The following SEC22B variants were observed in gnomAD, a reference collection of about 807,000 sequenced individuals.
The protein encoded by SEC22B is vesicle-trafficking protein SEC22b.
A neutral mutation model predicts 31.4 loss-of-function variants in SEC22B; 10 were observed. That is an observed-to-expected ratio of 0.32 (90% confidence interval 0.20 to 0.54). The LOEUF (loss-of-function observed/expected upper bound fraction) is 0.54, where lower values mean the gene tolerates loss of function less well. SEC22B is among the 20% of genes least tolerant of loss of function. The pLI is 0.94. For synonymous variants in SEC22B, 60 were observed against 95.9 expected, an observed-to-expected ratio of 0.63 and a Z score of 2.19; for missense variants, 130 against 263.4, an observed-to-expected ratio of 0.49 and a Z score of 3.50.
intron 2 of SEC22B, 61 bp downstream of exon 2, chr1:120,168,779 T>C: frequency 1.8e-6 from 1 of 556,274 alleles, no homozygotes. Flanking sequence ...TTATTTTTTA[T>C]CAGGCATTCT....
intron 1 of SEC22B, among the ~76,000 whole-genome samples, chr1:120,173,031 T>G (rs1333119267): frequency 1.3e-5 from 2 of 151,044 alleles, no homozygotes; most frequent in African/African-American, 2.4e-5. Context: ...TCTTTATCAT[T>G]TTCATAGCTG....
Position 120,152,737 on chromosome 1 carries a change from A to C in SEC22B, c.*4301T>G, listed in dbSNP as rs61789915. ...TAATAAAAAGAAATTGCAAAAAATA[A>C]CTTTTGAAAATAAACATACTAATAA... On this transcript the variant is annotated 3_prime_UTR_variant, in exon 5 of 5. Coordinates refer to ENST00000578049, the MANE Select transcript of SEC22B (RefSeq NM_004892.6). 444 of 119,058 alleles carry C rather than the reference A, an allele frequency of 3.7e-3. 3 individuals carry two copies. Among genetic ancestry groups the C allele is most frequent in the African/African-American group, 0.011 (217 of 20,438 alleles). 7.4% of individuals were successfully genotyped at this position (119,058 alleles called of 1,614,324 possible). A position where few individuals can be genotyped will look rare whatever the true frequency, so the allele number is the denominator to read the frequency against.
rs1553230191 is a variant in SEC22B, at chr1:120,176,316, C to T, written c.66G>A (p.Glu22=). ...DGLPLAASMQ[E]DEQSGRDLQQ... ...TGAGTAAGCAGCTCACCTGTTCGTCCTCCTGCATCGAGGCGGCCAGCGGGA... is the reference window on the plus strand; with the variant it reads ...TGAGTAAGCAGCTCACCTGTTCGTCTTCCTGCATCGAGGCGGCCAGCGGGA... Residue 22 remains glutamate (E), a synonymous_variant, in exon 1 of 5, where the codon GAG becomes GAA. Coordinates refer to ENST00000578049, the MANE Select transcript of SEC22B (RefSeq NM_004892.6). 1.2e-6 allele frequency: 2 copies of T among 1,611,410 alleles called. No homozygotes were observed. The highest frequency in any genetic ancestry group is 2.7e-5 in the African/African-American group (2 of 75,016).
At chr1:120,160,724 C>T in intron 3 of SEC22B, among the ~76,000 whole-genome samples, 194 bp from the exon 4 acceptor site, 1 of 151,904 alleles carries the variant, frequency 6.6e-6, no homozygotes, top group Non-Finnish European at 1.5e-5. Context: ...CCCGTCTCTA[C>T]TAAAAATATA....
In SEC22B at chr1:120,151,723, C is replaced by CATGTGT. The variant is rs1342954402; in HGVS notation, c.*5309_*5314dup. 6.6e-6 allele frequency: 1 copy of CATGTGT among 151,572 alleles called. No homozygotes were observed. The highest frequency in any genetic ancestry group is 1.5e-5 in the Non-Finnish European group (1 of 67,940). 9.4% of individuals were successfully genotyped at this position (151,572 alleles called of 1,614,324 possible). A position where few individuals can be genotyped will look rare whatever the true frequency, so the allele number is the denominator to read the frequency against. ...ATGGTAGTACTGACTAAAAGAGGGA[C>CATGTGT]ATGTGTAACAAAATCAGTAAGGAGG... On this transcript the variant is annotated 3_prime_UTR_variant, in exon 5 of 5. Coordinates refer to ENST00000578049, the MANE Select transcript of SEC22B (RefSeq NM_004892.6).
intron 2 of SEC22B, among the ~76,000 whole-genome samples, chr1:120,166,025 T>C (rs1250292268): frequency 6.6e-6 from 1 of 151,012 alleles, no homozygotes; most frequent in African/African-American, 2.5e-5. Context: ...AATGGCCAAG[T>C]ATATGAAAAA....
chr1:120,151,983 G>T lies in SEC22B; in HGVS notation c.*5055C>A, dbSNP rs1291120506. On this transcript the variant is annotated 3_prime_UTR_variant, in exon 5 of 5. Transcript: ENST00000578049. The stretch of plus-strand genomic sequence containing the variant: ...AAATATAAGAAGCAGCACAGGTTTG[G>T]TTTTATCTTTGAGAACAATGGAGTG... 3 of 152,086 alleles carry T rather than the reference G, an allele frequency of 2.0e-5. No individual in the cohort carries two copies. The highest frequency in any genetic ancestry group is 3.8e-4 in the East Asian group (2 of 5,202). The allele number at this position is 152,086 out of a possible 1,614,324, so 9.4% of individuals were successfully genotyped here. A position where few individuals can be genotyped will look rare whatever the true frequency, so the allele number is the denominator to read the frequency against.
intron 3 of SEC22B, among the ~76,000 whole-genome samples, chr1:120,160,731 T>C (rs1280650848): frequency 6.6e-6 from 1 of 151,756 alleles, no homozygotes; most frequent in Admixed American, 6.6e-5. Flanking sequence ...CTACTAAAAA[T>C]ATAAAAAGTT....
In SEC22B at chr1:120,170,250, A is replaced by G. The variant is rs1190016831; in HGVS notation, c.76-1301T>C. On this transcript the variant is annotated intron_variant, in intron 1 of 4. Coordinates refer to ENST00000578049, the MANE Select transcript of SEC22B (RefSeq NM_004892.6). ...TTGGAATTATTTATTTTACATAGAA[A>G]GAATAGCCTCCCTTTGGCAGATGTT... Among the ~76,000 whole-genome samples the G allele has an allele frequency of 8.4e-3, 1,198 of 142,622 alleles. 18 individuals are homozygous for G. The highest frequency in any genetic ancestry group is 0.011 in the Non-Finnish European group (752 of 67,380). The allele number at this position is 142,622 out of a possible 152,430, so 93.6% of individuals were successfully genotyped here.
chr1:120,160,749 C>T lies in SEC22B; in HGVS notation c.347-219G>A, dbSNP rs1424002642. Among the ~76,000 whole-genome samples, 4 of 152,064 alleles carry T rather than the reference C, an allele frequency of 2.6e-5. No homozygotes were observed. The East Asian group carries it at 5.8e-4, about 22-fold the overall frequency. On this transcript the variant is annotated intron_variant, in intron 3 of 4. Coordinates refer to ENST00000578049, the MANE Select transcript of SEC22B (RefSeq NM_004892.6). ...CTAAAAATATAAAAAGTTAGCCAGG[C>T]GTGGCGGCACACGCCTATAATCCCA...
chr1:120,157,018 C>G lies in SEC22B; in HGVS notation c.*20G>C. On this transcript the variant is annotated 3_prime_UTR_variant, in exon 5 of 5. Transcript: ENST00000578049. The stretch of plus-strand genomic sequence containing the variant: ...TACTGGGTTCTAGGTTCTCCCTTAC[C>G]AGTGACTGTATTCATTATTTCACAG... 1.8e-6 allele frequency: 2 copies of G among 1,124,338 alleles called. No individual in the cohort carries two copies. The highest frequency in any genetic ancestry group is 2.5e-6 in the Non-Finnish European group (2 of 801,828). The allele number at this position is 1,124,338 out of a possible 1,614,324, so 69.6% of individuals were successfully genotyped here. A position where few individuals can be genotyped will look rare whatever the true frequency, so the allele number is the denominator to read the frequency against.
intron 1 of SEC22B, among the ~76,000 whole-genome samples, chr1:120,169,882 T>C (rs1433752541): frequency 6.8e-6 from 1 of 147,364 alleles, no homozygotes; most frequent in Non-Finnish European, 1.5e-5. Context: ...ACAAAATTCA[T>C]GTTGAAATCC....
chr1:120,167,967 AT>A (rs1417685980), intron 2 of SEC22B, among the ~76,000 whole-genome samples: 5 of 151,890 alleles, frequency 3.3e-5, no homozygotes, highest in African/African-American at 9.7e-5. Context: ...ATAAAACATA[AT>A]GTCCAACATT....
At chr1:120,171,864 T>C (rs1657900544) in intron 1 of SEC22B, among the ~76,000 whole-genome samples, 2 of 150,764 alleles carry the variant, frequency 1.3e-5, no homozygotes, top group Non-Finnish European at 2.9e-5. Context: ...CAAATTAATT[T>C]TGTAATGTGA....
Position 120,157,022 on chromosome 1 carries a change from G to A in SEC22B, c.*16C>T. 4 of 1,161,090 alleles carry A rather than the reference G, an allele frequency of 3.4e-6. No individual in the cohort carries two copies. The South Asian group carries it at 5.6e-5, about 16-fold the overall frequency. 71.9% of individuals were successfully genotyped at this position (1,161,090 alleles called of 1,614,324 possible). On this transcript the variant is annotated 3_prime_UTR_variant, in exon 5 of 5. Coordinates refer to ENST00000578049, the MANE Select transcript of SEC22B (RefSeq NM_004892.6). ...GGGTTCTAGGTTCTCCCTTACCAGT[G>A]ACTGTATTCATTATTTCACAGCCAC...
chr1:120,163,313 C>G lies in SEC22B; in HGVS notation c.243G>C (p.Lys81Asn), dbSNP rs1657749290. 1 of 1,608,970 alleles carries G rather than the reference C, an allele frequency of 6.2e-7. No homozygotes were observed. The highest frequency in any genetic ancestry group is 8.5e-7 in the Non-Finnish European group (1 of 1,177,340). ...CTTCTAGGTAGGCAAAAGCCAACTT[C>G]TTAGGGAAGGCAGCTTCACATAAAA... The part of the protein sequence containing the change: ...YLVLCEAAFP[K>N]KLAFAYLEDL... Residue 81 changes from lysine to asparagine, a missense_variant, in exon 3 of 5, where the codon AAG becomes AAC. Physicochemically the swap from Lys to Asn is moderately conservative, Grantham distance 94. Coordinates refer to ENST00000578049, the MANE Select transcript of SEC22B (RefSeq NM_004892.6).
chr1:120,173,038 GCTGAGTTCAGTGGGTATCA>G (rs1414729331), intron 1 of SEC22B, among the ~76,000 whole-genome samples: 1 of 150,040 alleles, frequency 6.7e-6, no homozygotes, highest in African/African-American at 2.5e-5. Flanking sequence ...CATTTTCATA[GCTGAGTTCAGTGGGTATCA>G]ATACCCACTG....
chr1:120,162,942 C>CTA (rs1657742857), intron 3 of SEC22B, among the ~76,000 whole-genome samples: 1 of 151,862 alleles, frequency 6.6e-6, no homozygotes, highest in Non-Finnish European at 1.5e-5. Context: ...ACATGTGACT[C>CTA]TAAAGAAGAA....
At chr1:120,160,579 C>G in intron 3 of SEC22B, 49 bp from the exon 4 acceptor site, 1 of 1,499,874 alleles carries the variant, frequency 6.7e-7, no homozygotes, top group East Asian at 2.5e-5. Flanking sequence ...CATCAAAGTA[C>G]TGAGGTAGGA....
Sources: allele counts gnomAD v4.1 joint callset (sites outside exome capture counted in the v4.1 genomes callset), GRCh38; gene constraint gnomAD v4.1.1; transcripts MANE v1.5; gene names NCBI Gene and HGNC (gene_info 2026-07-23, HGNC 2026-07-21).